Variants in MAP3K5 observed in about 807,000 individuals in gnomAD.
The protein encoded by MAP3K5 is mitogen-activated protein kinase kinase kinase 5, also known as ASK-1.
MAP3K5 carries 56 observed loss-of-function variants against 158.7 expected under a neutral mutation model. That is an observed-to-expected ratio of 0.35 (90% confidence interval 0.28 to 0.44). The LOEUF is 0.44. Ranked by LOEUF, MAP3K5 falls within the 20% of genes least tolerant of loss-of-function variation. The probability of loss-of-function intolerance (pLI) is 1.00; values close to 1 mark genes in which losing one functional copy is unlikely to be tolerated. For synonymous variants in MAP3K5, 579 were observed against 601.7 expected (o/e 0.96, Z 0.55); for missense variants, 1,294 against 1,674.8 (o/e 0.77, Z 3.97).
chr6:136,709,851 G>A (rs1781234527), intron 2 of MAP3K5, among the ~76,000 whole-genome samples: 1 of 152,192 alleles, frequency 6.6e-6, no homozygotes, highest in Non-Finnish European at 1.5e-5. Flanking sequence ...AGGGTTGCTT[G>A]AGGCCAGGAG....
chr6:136,627,497 G>A (rs887906670), intron 14 of MAP3K5, among the ~76,000 whole-genome samples: 5 of 152,140 alleles, frequency 3.3e-5, no homozygotes, highest in East Asian at 3.9e-4. Context: ...GAATGTTTGC[G>A]TACCCCCCTC....
chr6:136,581,028 C>T (rs1368620679), intron 24 of MAP3K5, among the ~76,000 whole-genome samples: 1 of 152,152 alleles, frequency 6.6e-6, no homozygotes, highest in Non-Finnish European at 1.5e-5. Context: ...AGTACATTCA[C>T]ATTATTGTAC....
At chr6:136,653,769 A>G (rs2114420167) in intron 10 of MAP3K5, among the ~76,000 whole-genome samples, 1 of 152,314 alleles carries the variant, frequency 6.6e-6, no homozygotes, top group Non-Finnish European at 1.5e-5. Flanking sequence ...TCCTAAAGCA[A>G]TTTCCATTAA....
intron 1 of MAP3K5, among the ~76,000 whole-genome samples, chr6:136,776,930 T>C (rs570585420): frequency 6.6e-6 from 1 of 152,340 alleles, no homozygotes; most frequent in South Asian, 2.1e-4. Flanking sequence ...CCCACTCATA[T>C]GTCATATTTA....
intron 3 of MAP3K5, among the ~76,000 whole-genome samples, chr6:136,703,230 C>A (rs998828630): frequency 1.3e-5 from 2 of 152,128 alleles, no homozygotes; most frequent in African/African-American, 4.8e-5. Context: ...CTCAAGTCAG[C>A]GGGCAACTTC....
At chr6:136,656,583 A>C (rs1583356924) in intron 9 of MAP3K5, 123 bp from the exon 10 acceptor site, 1 of 607,688 alleles carries the variant, frequency 1.6e-6, no homozygotes, top group Non-Finnish European at 2.8e-6. Flanking sequence ...ATTCAGATTC[A>C]CCGTTATTCG....
chr6:136,669,156 T>C (rs962681349), intron 8 of MAP3K5, 127 bp downstream of exon 8: 1 of 708,126 alleles, frequency 1.4e-6, no homozygotes, highest in South Asian at 1.6e-5. Context: ...ATAATAAGTT[T>C]CTTTTTTCTC....
intron 15 of MAP3K5, among the ~76,000 whole-genome samples, chr6:136,614,566 T>G (rs572953509): frequency 4.1e-4 from 63 of 152,290 alleles, no homozygotes; most frequent in African/African-American, 1.5e-3. Flanking sequence ...GGAAACTGAT[T>G]CACAGAGAGG....
chr6:136,562,390 T>C (rs1830553019), intron 27 of MAP3K5, 113 bp downstream of exon 27: 1 of 526,474 alleles, frequency 1.9e-6, no homozygotes, highest in Non-Finnish European at 3.4e-6. Context: ...CTTGCAGTCA[T>C]GGTAGAAGTG....
intron 19 of MAP3K5, among the ~76,000 whole-genome samples, chr6:136,604,279 G>A (rs572086889): frequency 1.3e-5 from 2 of 150,996 alleles, no homozygotes; most frequent in Admixed American, 6.6e-5. Context: ...CCGAGATCGC[G>A]CCACTGCACT....
intron 1 of MAP3K5, among the ~76,000 whole-genome samples, chr6:136,786,996 T>C (rs1399747732): frequency 6.6e-6 from 1 of 152,062 alleles, no homozygotes; most frequent in African/African-American, 2.4e-5. Flanking sequence ...CTGTTTCCCA[T>C]GTAAACGTTG....
At chr6:136,589,424 T>C (rs916696152) in intron 23 of MAP3K5, among the ~76,000 whole-genome samples, 6 of 152,178 alleles carry the variant, frequency 3.9e-5, no homozygotes, top group African/African-American at 1.2e-4. Context: ...TGGGAGGTTG[T>C]ATCCACAAGA....
At chr6:136,752,936 T>C (rs1180710231) in intron 1 of MAP3K5, among the ~76,000 whole-genome samples, 1 of 152,204 alleles carries the variant, frequency 6.6e-6, no homozygotes, top group Non-Finnish European at 1.5e-5. Context: ...CCCAGATCTC[T>C]GCATGGCTCC....
intron 23 of MAP3K5, among the ~76,000 whole-genome samples, chr6:136,590,401 T>C (rs1775330820): frequency 6.6e-6 from 1 of 152,194 alleles, no homozygotes; most frequent in Admixed American, 6.5e-5. Flanking sequence ...CATATGGCCT[T>C]CTAAACTATT....
intron 1 of MAP3K5, among the ~76,000 whole-genome samples, chr6:136,776,938 T>C (rs1784424375): frequency 6.6e-6 from 1 of 152,208 alleles, no homozygotes; most frequent in Non-Finnish European, 1.5e-5. Context: ...TATGTCATAT[T>C]TAATGGCTAA....
chr6:136,700,152 G>A (rs1449006992), intron 3 of MAP3K5, among the ~76,000 whole-genome samples: 1 of 151,922 alleles, frequency 6.6e-6, no homozygotes, highest in African/African-American at 2.4e-5. Context: ...AAGGAGGGAG[G>A]GAGGAAGAAA....
chr6:136,782,057 A>G (rs866276891), intron 1 of MAP3K5, among the ~76,000 whole-genome samples: 11,120 of 144,680 alleles, frequency 0.077, 794 homozygotes, highest in African/African-American at 0.19. Context: ...CTCTACTGGA[A>G]AAAAAAAAAA....
chr6:136,783,806 G>A lies in MAP3K5; in HGVS notation c.448+7904C>T, dbSNP rs568135324. On this transcript the variant is annotated intron_variant, in intron 1 of 29. Coordinates refer to ENST00000359015, the MANE Select transcript of MAP3K5 (RefSeq NM_005923.4). Reference sequence around the variant, plus strand: ...TTCTCTACTTTCCTGGCTTGGAGTGGTGTTTGAAGGGACCACTTGGAGGAA... The same window carrying A: ...TTCTCTACTTTCCTGGCTTGGAGTGATGTTTGAAGGGACCACTTGGAGGAA... 3.3e-5 allele frequency among the ~76,000 whole-genome samples: 5 copies of A among 152,344 alleles called. No individual in the cohort carries two copies. In the South Asian group the frequency reaches 1.0e-3, roughly 32 times the overall value.
rs769742799 is a variant in MAP3K5 at position 136,694,227 on chromosome 6, A to G, written c.1166T>C (p.Met389Thr). The change falls in exon 7 of 30, where the codon ATG becomes ACG. Residue 389 changes from methionine (M) to threonine (T), a missense_variant. Physicochemically the swap from Met to Thr is moderately conservative, Grantham distance 81. Transcript: ENST00000359015. ...GTAGATTCGACCAACTAGGCAATAC[A>G]TATCTGAAGCAACTTGTCCTTCGCT... ...VQSEGQVASD[M>T]YCLVGRIYKD... 3 of 1,613,848 alleles carry G rather than the reference A, an allele frequency of 1.9e-6. No individual in the cohort carries two copies. The highest frequency in any genetic ancestry group is 1.7e-6 in the Non-Finnish European group (2 of 1,179,894).
Sources: allele counts gnomAD v4.1 joint callset (sites outside exome capture counted in the v4.1 genomes callset), GRCh38; gene constraint gnomAD v4.1.1; transcripts MANE v1.5; gene names NCBI Gene and HGNC (gene_info 2026-07-23, HGNC 2026-07-21).